The following TPTE2 variants were observed in gnomAD, a reference collection of about 807,000 sequenced individuals.
TPTE2 encodes phosphatidylinositol 3,4,5-trisphosphate 3-phosphatase TPTE2.
Under a neutral mutation model 78.6 loss-of-function variants are expected in TPTE2, and 53 were observed. The observed-to-expected ratio is 0.67, with a 90% CI of 0.54 to 0.85. The LOEUF (loss-of-function observed/expected upper bound fraction) is 0.85, where lower values mean the gene tolerates loss of function less well. TPTE2 is among the 40% of genes least tolerant of loss of function. TPTE2 has a pLI of 0.00. For missense variants in TPTE2, 461 were observed against 623.0 expected, an observed-to-expected ratio of 0.74 and a Z score of 2.77; for synonymous variants, 175 against 206.2, an observed-to-expected ratio of 0.85 and a Z score of 1.30.
At chr13:19,536,182 T>G (rs1871202821) in intron 1 of TPTE2, among the ~76,000 whole-genome samples, 1 of 152,124 alleles carries the variant, frequency 6.6e-6, no homozygotes, top group African/African-American at 2.4e-5. Flanking sequence ...GGAATTATCT[T>G]GGAATCTGAT....
chr13:19,542,735 C>T, the TPTE2 span, among the ~76,000 whole-genome samples: 1 of 152,142 alleles, frequency 6.6e-6, no homozygotes, highest in Non-Finnish European at 1.5e-5. Context: ...TGGCTCATGC[C>T]TGTAATCCCA....
chr13:19,428,980 T>C (rs1393363779), intron 17 of TPTE2, among the ~76,000 whole-genome samples: 4 of 152,222 alleles, frequency 2.6e-5, no homozygotes, highest in African/African-American at 9.6e-5. Flanking sequence ...CTGATAATTA[T>C]CACATATAAC....
chr13:19,435,482 G>C (rs957034501), intron 15 of TPTE2, among the ~76,000 whole-genome samples: 17 of 152,054 alleles, frequency 1.1e-4, no homozygotes, highest in African/African-American at 4.1e-4. Flanking sequence ...CGTGGCTGGC[G>C]CCGGCTGAAA....
intron 13 of TPTE2, among the ~76,000 whole-genome samples, chr13:19,444,205 C>G (rs1215367132): frequency 2.0e-5 from 3 of 150,254 alleles, no homozygotes; most frequent in Non-Finnish European, 3.0e-5. Flanking sequence ...ACTCAAGAGG[C>G]TGATATAGGA....
the TPTE2 span, among the ~76,000 whole-genome samples, chr13:19,550,408 G>C: frequency 2.6e-5 from 4 of 152,160 alleles, no homozygotes; most frequent in Non-Finnish European, 5.9e-5. Flanking sequence ...GTGGTTCCCA[G>C]ATAATACATA....
chr13:19,459,888 T>C (rs1410626524), intron 10 of TPTE2, among the ~76,000 whole-genome samples: 1 of 152,142 alleles, frequency 6.6e-6, no homozygotes, highest in Non-Finnish European at 1.5e-5. Flanking sequence ...GCTGGCTGCC[T>C]CTCCCCACCT....
intron 1 of TPTE2, among the ~76,000 whole-genome samples, chr13:19,501,609 C>A (rs908102695): frequency 3.9e-5 from 6 of 152,042 alleles, no homozygotes; most frequent in African/African-American, 1.4e-4. Context: ...AAGTAGAAAG[C>A]AGAAACTGGA....
intron 10 of TPTE2, among the ~76,000 whole-genome samples, chr13:19,460,736 T>C (rs1878837821): frequency 6.6e-6 from 1 of 152,188 alleles, no homozygotes; most frequent in Non-Finnish European, 1.5e-5. Flanking sequence ...TCTCGGCAAC[T>C]GATGCCAGCC....
chr13:19,484,344 T>G lies in TPTE2; in HGVS notation c.120-1797A>C, dbSNP rs182508498. Among the ~76,000 whole-genome samples, 97 of 152,350 alleles carry G rather than the reference T, an allele frequency of 6.4e-4. 1 individual carries two copies. The highest frequency in any genetic ancestry group is 3.7e-3 in the South Asian group (18 of 4,828). On this transcript the variant is annotated intron_variant, in intron 3 of 19. Transcript: ENST00000400230. ...TAAGATACCTGATAGAATTTCAATT[T>G]TTAAAAATTTGTTGAGACTTGTTTT...
intron 3 of TPTE2, among the ~76,000 whole-genome samples, chr13:19,489,994 T>C (rs1191235909): frequency 2.0e-5 from 3 of 152,302 alleles, no homozygotes; most frequent in Admixed American, 1.3e-4. Context: ...GCTCTACATT[T>C]ATAAACTGGT....
exon 8 of TPTE2, chr13:19,465,530 T>C (rs947913715): frequency 1.2e-6 from 2 of 1,608,154 alleles, no homozygotes; most frequent in Non-Finnish European, 1.7e-6. Context: ...CTTATCAGAA[T>C]AATAAGTCGT....
the TPTE2 span, among the ~76,000 whole-genome samples, chr13:19,551,139 A>G: frequency 6.6e-6 from 1 of 152,214 alleles, no homozygotes; most frequent in Non-Finnish European, 1.5e-5. Context: ...CAAATGGCCA[A>G]TAATGGAAAG....
At chr13:19,452,353 T>G (rs1182228308) in intron 10 of TPTE2, among the ~76,000 whole-genome samples, 1 of 152,174 alleles carries the variant, frequency 6.6e-6, no homozygotes, top group East Asian at 1.9e-4. Flanking sequence ...TAGGTTTGAC[T>G]TCATAAAAAT....
intron 1 of TPTE2, among the ~76,000 whole-genome samples, chr13:19,517,050 A>T (rs1566074129): frequency 6.6e-6 from 1 of 152,162 alleles, no homozygotes; most frequent in Non-Finnish European, 1.5e-5. Flanking sequence ...TTTGGACGTG[A>T]ACCAGGGCAA....
chr13:19,543,574 T>G, the TPTE2 span, among the ~76,000 whole-genome samples: 2 of 151,654 alleles, frequency 1.3e-5, no homozygotes, highest in Non-Finnish European at 2.9e-5. Context: ...CAGGCTGGTC[T>G]CGAACTCCTG....
upstream of TPTE2, among the ~76,000 whole-genome samples, chr13:19,537,515 G>T (rs1172110968): frequency 6.6e-6 from 1 of 151,708 alleles, no homozygotes; most frequent in Non-Finnish European, 1.5e-5. Flanking sequence ...TTACAGGCGT[G>T]AGCCACTGTG....
intron 13 of TPTE2, among the ~76,000 whole-genome samples, chr13:19,449,290 C>T (rs1878032683): frequency 6.6e-6 from 1 of 152,166 alleles, no homozygotes. Flanking sequence ...TCTTCTGCCT[C>T]AGCCTCCCGA....
chr13:19,441,079 C>T (rs1299829713), intron 13 of TPTE2, among the ~76,000 whole-genome samples: 1 of 150,130 alleles, frequency 6.7e-6, no homozygotes, highest in Non-Finnish European at 1.5e-5. Flanking sequence ...AAGAGCAAAA[C>T]TCCCTCTCAA....
chr13:19,551,708 A>T, the TPTE2 span, among the ~76,000 whole-genome samples: 1 of 152,164 alleles, frequency 6.6e-6, no homozygotes, highest in South Asian at 2.1e-4. Flanking sequence ...TACATATAAG[A>T]CTAAATATTT....
Sources: gnomAD v4.1 joint callset for allele counts (sites outside exome capture counted in the v4.1 genomes callset) on GRCh38, gnomAD v4.1.1 for gene constraint, MANE v1.5 for transcripts, NCBI Gene and HGNC (gene_info 2026-07-23, HGNC 2026-07-21) for gene names.